Variants in DOCK1 observed in about 807,000 individuals in gnomAD.
The protein encoded by DOCK1 is dedicator of cytokinesis 1, also known as dedicator of cytokinesis protein 1.
In DOCK1, 138 loss-of-function variants were observed where a neutral mutation model predicts 262.7. The observed-to-expected ratio is 0.53, with a 90% CI of 0.46 to 0.61. The LOEUF is 0.61. Among genes scored for constraint, DOCK1 ranks in the 20% least tolerant of loss-of-function variants. DOCK1 has a pLI of 0.00. For synonymous variants in DOCK1, 866 were observed against 867.4 expected (o/e 1.00, Z 0.03); for missense variants, 1,908 against 2,370.7 (o/e 0.80, Z 4.05).
intron 39 of DOCK1, among the ~76,000 whole-genome samples, chr10:127,403,700 A>C (rs1344378889): frequency 6.6e-6 from 1 of 152,218 alleles, no homozygotes; most frequent in Non-Finnish European, 1.5e-5. Context: ...TGGAAGTTGC[A>C]GTGAGCTGAG....
chr10:127,250,581 A>G (rs2059591490), intron 28 of DOCK1, among the ~76,000 whole-genome samples: 1 of 152,076 alleles, frequency 6.6e-6, no homozygotes, highest in Non-Finnish European at 1.5e-5. Flanking sequence ...ACCTGAGGTC[A>G]GGAGTTCGAG....
intron 29 of DOCK1, among the ~76,000 whole-genome samples, chr10:127,263,218 A>G (rs546335506): frequency 2.0e-5 from 3 of 152,312 alleles, no homozygotes; most frequent in Admixed American, 2.0e-4. Context: ...AATGTGTTTT[A>G]TAAGAGCGAA....
chr10:127,233,850 T>C (rs1026314133), intron 27 of DOCK1, among the ~76,000 whole-genome samples: 1 of 152,236 alleles, frequency 6.6e-6, no homozygotes, highest in Admixed American at 6.5e-5. Context: ...CTTCCCTTCT[T>C]AGTAAAAATG....
chr10:127,403,483 G>A (rs2134323524), intron 39 of DOCK1, among the ~76,000 whole-genome samples: 1 of 152,344 alleles, frequency 6.6e-6, no homozygotes, highest in Admixed American at 6.5e-5. Context: ...CCCCAGGCCA[G>A]GCGCACTGGC....
At chr10:127,368,111 G>A (rs1474143450) in intron 33 of DOCK1, among the ~76,000 whole-genome samples, 6 of 152,316 alleles carry the variant, frequency 3.9e-5, no homozygotes, top group Admixed American at 3.9e-4. Context: ...CCAGAACATG[G>A]CCCTTCACAG....
chr10:127,409,276 T>C, intron 41 of DOCK1, 37 bp from the exon 42 acceptor site: 2 of 1,613,528 alleles, frequency 1.2e-6, no homozygotes, highest in Non-Finnish European at 1.7e-6. Flanking sequence ...GGTTGATGTC[T>C]ATGCTGCCTT....
intron 21 of DOCK1, among the ~76,000 whole-genome samples, chr10:127,050,646 A>C (rs190511538): frequency 0.012 from 1,838 of 151,706 alleles, 29 homozygotes; most frequent in African/African-American, 0.033. Context: ...TGGAGGTTTC[A>C]GTGAGCTGAG....
intron 27 of DOCK1, among the ~76,000 whole-genome samples, chr10:127,139,668 A>G (rs1189107350): frequency 1.3e-5 from 2 of 152,220 alleles, no homozygotes; most frequent in Non-Finnish European, 2.9e-5. Flanking sequence ...CTAGAAGGAC[A>G]TGGGGTTTCC....
intron 29 of DOCK1, among the ~76,000 whole-genome samples, chr10:127,315,429 C>T (rs11598505): frequency 0.011 from 1,683 of 147,068 alleles, 15 homozygotes; most frequent in Non-Finnish European, 0.016. Context: ...AGGACACAGA[C>T]ACACACAGAG....
intron 27 of DOCK1, among the ~76,000 whole-genome samples, chr10:127,229,998 T>A (rs917319579): frequency 3.3e-5 from 5 of 152,238 alleles, no homozygotes; most frequent in Admixed American, 1.3e-4. Flanking sequence ...GAGCATTTTT[T>A]CATACATATG....
At chr10:127,099,217 G>T (rs1397821465) in intron 23 of DOCK1, among the ~76,000 whole-genome samples, 4 of 152,166 alleles carry the variant, frequency 2.6e-5, no homozygotes, top group Admixed American at 2.0e-4. Flanking sequence ...TATGAAGTTT[G>T]CAGTCAGTTT....
At chr10:127,451,043 C>G (rs553039445) in intron 51 of DOCK1, among the ~76,000 whole-genome samples, 2 of 152,206 alleles carry the variant, frequency 1.3e-5, no homozygotes, top group African/African-American at 2.4e-5. Context: ...ATAACTTGGT[C>G]GATAGCATCT....
intron 43 of DOCK1, among the ~76,000 whole-genome samples, chr10:127,412,257 T>C (rs7899220): frequency 0.26 from 38,829 of 152,094 alleles, 5,247 homozygotes; most frequent in African/African-American, 0.33. Context: ...CCACCGCGCC[T>C]GGCCCTAGAG....
chr10:127,393,384 G>A (rs11017827), intron 38 of DOCK1, among the ~76,000 whole-genome samples: 69,873 of 151,920 alleles, frequency 0.46, 16,402 homozygotes, highest in Non-Finnish European at 0.48. Flanking sequence ...TCTTCATTAC[G>A]TACTTACTCT....
At chr10:127,238,224 A>G (rs903546077) in intron 27 of DOCK1, among the ~76,000 whole-genome samples, 1 of 152,206 alleles carries the variant, frequency 6.6e-6, no homozygotes, top group East Asian at 1.9e-4. Context: ...CAAATGCTGT[A>G]TACTCTGAAT....
chr10:127,380,608 T>G (rs2065773900), intron 36 of DOCK1, among the ~76,000 whole-genome samples: 1 of 152,138 alleles, frequency 6.6e-6, no homozygotes, highest in Non-Finnish European at 1.5e-5. Context: ...CTGCTGGATT[T>G]TGCTTCCCTA....
Position 127,312,961 on chromosome 10 carries a change from T to C in DOCK1, c.3045-26045T>C, listed in dbSNP as rs188253768. ...AAGGATTGCCATTTAGGAGAGATGT[T>C]AAGTCCACTCCCCTAGCCTGGCCAT... is the stretch of plus-strand genomic sequence containing the variant. On this transcript the variant is annotated intron_variant, in intron 29 of 51. Transcript: ENST00000623213. Among the ~76,000 whole-genome samples, 557 of 152,258 alleles carry C rather than the reference T, an allele frequency of 3.7e-3. 1 individual carries two copies. Among genetic ancestry groups the C allele is most frequent in the Non-Finnish European group, 6.0e-3 (407 of 68,018 alleles).
At position 127,431,594 on chromosome 10, in the gene DOCK1, G is replaced by C. The variant is rs958881743; in HGVS notation, c.4915-1689G>C. Among the ~76,000 whole-genome samples, 6 of 152,312 alleles carry C rather than the reference G, an allele frequency of 3.9e-5. No homozygotes were observed. The East Asian group carries it at 9.7e-4, about 25-fold the overall frequency. ...GAAGCTATCCCCTGGCACCATCATT[G>C]GTGCAGGTCCAAGACTGACCAACCC... On this transcript the variant is annotated intron_variant, in intron 47 of 51. Coordinates refer to ENST00000623213, the MANE Select transcript of DOCK1 (RefSeq NM_001290223.2).
At chr10:127,170,284 G>T (rs1484362099) in intron 27 of DOCK1, among the ~76,000 whole-genome samples, 1 of 152,136 alleles carries the variant, frequency 6.6e-6, no homozygotes, top group Non-Finnish European at 1.5e-5. Context: ...AAGCCTCAGG[G>T]TCTTATCACT....
Sources: allele counts gnomAD v4.1 joint callset (sites outside exome capture counted in the v4.1 genomes callset), GRCh38; gene constraint gnomAD v4.1.1; transcripts MANE v1.5; gene names NCBI Gene and HGNC (gene_info 2026-07-23, HGNC 2026-07-21).